Variants in NLK observed in about 807,000 individuals in gnomAD.
The protein encoded by NLK is nemo like kinase, also known as serine/threonine-protein kinase NLK.
In NLK, 11 loss-of-function variants were observed where a neutral mutation model predicts 59.0. The ratio of observed to expected loss-of-function variants is 0.19; its 90% CI spans 0.12 to 0.31. The LOEUF (loss-of-function observed/expected upper bound fraction) is 0.31, where lower values mean the gene tolerates loss of function less well. Among genes scored for constraint, NLK ranks in the 10% least tolerant of loss-of-function variants. NLK has a pLI of 1.00. For synonymous variants in NLK, 235 were observed against 235.9 expected (o/e 1.00, Z 0.03); for missense variants, 410 against 661.1 (o/e 0.62, Z 4.16).
At chr17:28,145,941 G>C (rs1038372380) in intron 3 of NLK, among the ~76,000 whole-genome samples, 2 of 152,110 alleles carry the variant, frequency 1.3e-5, no homozygotes, top group Non-Finnish European at 1.5e-5. Flanking sequence ...CCCGATCTCA[G>C]GTGATCCACC....
intron 1 of NLK, among the ~76,000 whole-genome samples, chr17:28,084,937 A>G (rs1910463670): frequency 6.6e-6 from 1 of 152,214 alleles, no homozygotes; most frequent in Non-Finnish European, 1.5e-5. Context: ...ACAAATCAGT[A>G]CATCAAGGTT....
downstream of NLK, among the ~76,000 whole-genome samples, chr17:28,197,950 A>G (rs1909524919): frequency 1.3e-5 from 2 of 152,180 alleles, no homozygotes; most frequent in South Asian, 4.1e-4. Flanking sequence ...AAGAATAACT[A>G]AAAGCAGATC....
intron 1 of NLK, among the ~76,000 whole-genome samples, chr17:28,086,340 A>G (rs1046865538): frequency 2.0e-5 from 3 of 152,262 alleles, no homozygotes; most frequent in Middle Eastern, 3.4e-3. Flanking sequence ...CTAGAATTGA[A>G]TAATATGGGC....
chr17:28,154,386 C>A (rs1208123935), intron 3 of NLK, among the ~76,000 whole-genome samples: 2 of 152,120 alleles, frequency 1.3e-5, no homozygotes, highest in Non-Finnish European at 2.9e-5. Flanking sequence ...ACCTATTCAT[C>A]CTAAGAAGAA....
At chr17:28,119,820 TATGCCTCCTGAGATG>T (rs1905946801) in intron 1 of NLK, among the ~76,000 whole-genome samples, 1 of 152,220 alleles carries the variant, frequency 6.6e-6, no homozygotes, top group African/African-American at 2.4e-5. Context: ...ACTGACATTA[TATGCCTCCTGAGATG>T]ATGCACTGAG....
At chr17:28,088,111 A>G (rs1904347997) in intron 1 of NLK, among the ~76,000 whole-genome samples, 1 of 152,210 alleles carries the variant, frequency 6.6e-6, no homozygotes, top group Admixed American at 6.5e-5. Context: ...TGTAGTATAT[A>G]GCATGTTATT....
intron 3 of NLK, among the ~76,000 whole-genome samples, chr17:28,147,181 A>G (rs76984629): frequency 0.01 from 1,582 of 152,168 alleles, 30 homozygotes; most frequent in African/African-American, 0.036. Context: ...CTTAGTACCC[A>G]GTCAGTGTTT....
At chr17:28,113,970 G>A (rs1905641828) in intron 1 of NLK, among the ~76,000 whole-genome samples, 1 of 151,844 alleles carries the variant, frequency 6.6e-6, no homozygotes, top group South Asian at 2.1e-4. Context: ...TAATATTATG[G>A]AAATGGTATC....
chr17:28,170,397 A>T (rs991742889), intron 6 of NLK, among the ~76,000 whole-genome samples: 1 of 151,704 alleles, frequency 6.6e-6, no homozygotes, highest in African/African-American at 2.4e-5. Context: ...TATTTCTTTT[A>T]TGCTTTTTCT....
Position 28,136,596 on chromosome 17 carries a change from A to G in NLK, c.644+3921A>G, listed in dbSNP as rs918366567. On this transcript the variant is annotated intron_variant, in intron 3 of 10. Coordinates refer to ENST00000407008, the MANE Select transcript of NLK (RefSeq NM_016231.5). ...TAGTGTCCTAAATGGGAAGTTTTCCATGTCCTTTGTTTTGTTTTGTTTTGA... is the reference window on the plus strand; with the variant it reads ...TAGTGTCCTAAATGGGAAGTTTTCCGTGTCCTTTGTTTTGTTTTGTTTTGA... Among the ~76,000 whole-genome samples, 7 of 152,162 alleles carry G rather than the reference A, an allele frequency of 4.6e-5. No individual in the cohort carries two copies. In the South Asian group the frequency reaches 6.2e-4, roughly 14 times the overall value.
At chr17:28,115,455 G>A (rs1043623571) in intron 1 of NLK, among the ~76,000 whole-genome samples, 1 of 152,164 alleles carries the variant, frequency 6.6e-6, no homozygotes, top group Admixed American at 6.5e-5. Context: ...GGTAAGTCAA[G>A]TGTTCATATA....
chr17:28,122,558 T>C, intron 1 of NLK, 45 bp from the exon 2 acceptor site: 1 of 1,608,038 alleles, frequency 6.2e-7, no homozygotes, highest in Non-Finnish European at 8.5e-7. Context: ...GTGGAACTGA[T>C]TTCTCTGTCT....
chr17:28,142,316 G>T (rs1907036884), intron 3 of NLK, among the ~76,000 whole-genome samples: 1 of 152,022 alleles, frequency 6.6e-6, no homozygotes, highest in South Asian at 2.1e-4. Flanking sequence ...CAAAGAAAAA[G>T]AATCTGCCTT....
chr17:28,115,110 AAC>A (rs1905705824), intron 1 of NLK, among the ~76,000 whole-genome samples: 1 of 152,188 alleles, frequency 6.6e-6, no homozygotes, highest in Non-Finnish European at 1.5e-5. Flanking sequence ...GTTTTGGCAG[AAC>A]TGTAAACTGG....
chr17:28,155,194 CTTG>C (rs1160155308), intron 3 of NLK, among the ~76,000 whole-genome samples: 4 of 151,996 alleles, frequency 2.6e-5, no homozygotes, highest in Non-Finnish European at 4.4e-5. Flanking sequence ...GATTCCCTTG[CTTG>C]TTTTGTTTTT....
At chr17:28,098,612 G>C (rs762351904) in intron 1 of NLK, among the ~76,000 whole-genome samples, 4 of 146,082 alleles carry the variant, frequency 2.7e-5, no homozygotes, top group Non-Finnish European at 6.0e-5. Context: ...ATCACCTATT[G>C]TTGGGCATAC....
At chr17:28,133,300 T>C (rs930562104) in intron 3 of NLK, among the ~76,000 whole-genome samples, 15 of 152,106 alleles carry the variant, frequency 9.9e-5, no homozygotes, top group Admixed American at 3.9e-4. Flanking sequence ...GCACAAAAGG[T>C]AAGAAAATTG....
At chr17:28,057,963 C>T (rs1049185221) in intron 1 of NLK, among the ~76,000 whole-genome samples, 3 of 152,294 alleles carry the variant, frequency 2.0e-5, no homozygotes. Flanking sequence ...AGGGCAACTG[C>T]TGTGTTTGCT....
intron 1 of NLK, among the ~76,000 whole-genome samples, chr17:28,057,864 A>C (rs1909495291): frequency 6.6e-6 from 1 of 152,218 alleles, no homozygotes; most frequent in African/African-American, 2.4e-5. Context: ...TATAGTACAA[A>C]GCCTTGAGAA....
Sources: allele counts gnomAD v4.1 joint callset (sites outside exome capture counted in the v4.1 genomes callset), GRCh38; gene constraint gnomAD v4.1.1; transcripts MANE v1.5; gene names NCBI Gene and HGNC (gene_info 2026-07-23, HGNC 2026-07-21).